The following RBPMS variants were observed in gnomAD, a reference collection of about 807,000 sequenced individuals.
The protein encoded by RBPMS is RNA-binding protein with multiple splicing.
RBPMS carries 7 observed loss-of-function variants against 26.8 expected under a neutral mutation model. The observed-to-expected ratio is 0.26, with a 90% CI of 0.15 to 0.49. The LOEUF (loss-of-function observed/expected upper bound fraction) is 0.49, where lower values mean the gene tolerates loss of function less well. RBPMS is among the 20% of genes least tolerant of loss of function. The pLI is 0.98. For missense variants in RBPMS, 186 were observed against 250.0 expected, an observed-to-expected ratio of 0.74 and a Z score of 1.73; for synonymous variants, 96 against 93.3, an observed-to-expected ratio of 1.03 and a Z score of -0.17.
At chr8:30,533,691 T>G (rs1487472141) in intron 5 of RBPMS, among the ~76,000 whole-genome samples, 1 of 152,218 alleles carries the variant, frequency 6.6e-6, no homozygotes, top group African/African-American at 2.4e-5. Context: ...CTGGTGCTAG[T>G]GAATAAGTAC....
Position 30,384,982 on chromosome 8 carries a change from G to A in RBPMS, c.-111G>A. ...TCCAGCTCCAGCCCCACAGCCCGCG[G>A]CGCCCGCCCGAGGGAGCCCCGGCGC... On this transcript the variant is annotated 5_prime_UTR_variant, in exon 1 of 9. Coordinates refer to ENST00000397323, the MANE Select transcript of RBPMS (RefSeq NM_001008710.3). This position sits in a 1 kb window ranked among gnomAD's most constrained non-coding sequence, Gnocchi z 5.6. The A allele has an allele frequency of 1.4e-6, 1 of 723,918 alleles. No individual in the cohort carries two copies. Among genetic ancestry groups the A allele is most frequent in the South Asian group, 3.5e-5 (1 of 28,976 alleles). The allele number at this position is 723,918 out of a possible 1,614,324, so 44.8% of individuals were successfully genotyped here. A position where few individuals can be genotyped will look rare whatever the true frequency, so the allele number is the denominator to read the frequency against.
chr8:30,549,495 T>C (rs1308073622), intron 6 of RBPMS: 1 of 1,610,818 alleles, frequency 6.2e-7, no homozygotes, highest in Non-Finnish European at 8.5e-7. Context: ...CCTCTCAACC[T>C]GCAGCTCTGT....
At chr8:30,532,649 G>A (rs558856519) in intron 5 of RBPMS, among the ~76,000 whole-genome samples, 1 of 152,078 alleles carries the variant, frequency 6.6e-6, no homozygotes, top group Non-Finnish European at 1.5e-5. Flanking sequence ...ACCACCATAC[G>A]CATACATTCT....
intron 1 of RBPMS, among the ~76,000 whole-genome samples, chr8:30,460,045 A>T (rs1017777719): frequency 3.9e-5 from 6 of 152,210 alleles, no homozygotes; most frequent in African/African-American, 1.4e-4. Context: ...TCATGCAACC[A>T]CATAAATGGT....
intron 5 of RBPMS, among the ~76,000 whole-genome samples, chr8:30,531,432 T>C (rs947163033): frequency 6.6e-6 from 1 of 152,204 alleles, no homozygotes; most frequent in Non-Finnish European, 1.5e-5. Flanking sequence ...AGGCAACCTT[T>C]TAGTGTTGGA....
At chr8:30,444,513 C>A (rs915911252) in intron 1 of RBPMS, among the ~76,000 whole-genome samples, 2 of 152,076 alleles carry the variant, frequency 1.3e-5, no homozygotes, top group African/African-American at 4.8e-5. Flanking sequence ...TTAGTAAGCA[C>A]CCTATAAATG....
intron 6 of RBPMS, among the ~76,000 whole-genome samples, chr8:30,549,875 G>C (rs2151064770): frequency 7.0e-6 from 1 of 142,962 alleles, no homozygotes; most frequent in South Asian, 2.2e-4. Context: ...TTCTGAGGCA[G>C]AGTCTCGCTC....
chr8:30,440,136 T>C (rs2915604), intron 1 of RBPMS, among the ~76,000 whole-genome samples: 62,928 of 152,040 alleles, frequency 0.41, 14,909 homozygotes, highest in African/African-American at 0.65. Context: ...CGGGGTCTCA[T>C]TCTATTACTA....
intron 4 of RBPMS, among the ~76,000 whole-genome samples, chr8:30,502,138 G>GTT (rs1563381721): frequency 1.5e-4 from 9 of 61,020 alleles, no homozygotes; most frequent in African/African-American, 7.2e-4. Flanking sequence ...TAACTTCTGA[G>GTT]CTTTTTTTTT....
At chr8:30,486,838 T>C (rs761663096) in intron 4 of RBPMS, among the ~76,000 whole-genome samples, 82 of 152,214 alleles carry the variant, frequency 5.4e-4, no homozygotes, top group Non-Finnish European at 1.0e-3. Flanking sequence ...TTCCATCAGA[T>C]AATTACATGA....
chr8:30,548,484 G>A (rs1826037423), intron 6 of RBPMS, among the ~76,000 whole-genome samples: 1 of 152,192 alleles, frequency 6.6e-6, no homozygotes, highest in African/African-American at 2.4e-5. Context: ...GGCCTCATTT[G>A]TCCAGAGTAA....
intron 7 of RBPMS, among the ~76,000 whole-genome samples, chr8:30,563,885 C>T (rs1198630006): frequency 2.6e-5 from 4 of 152,140 alleles, no homozygotes; most frequent in Admixed American, 2.6e-4. Flanking sequence ...TGCGGTGCAC[C>T]CACCAACCAG....
Position 30,497,772 on chromosome 8 carries a change from G to A in RBPMS, c.247-6514G>A, listed in dbSNP as rs554241240. ...CGAGTAGCTGGGACTACAGGCGCCC[G>A]CCACCACGCCTGGCTAATTTTTTGT... On this transcript the variant is annotated intron_variant, in intron 4 of 8. Coordinates refer to ENST00000397323, the MANE Select transcript of RBPMS (RefSeq NM_001008710.3). Among the ~76,000 whole-genome samples, 193 of 151,830 alleles carry A rather than the reference G, an allele frequency of 1.3e-3. 1 individual carries two copies. Among genetic ancestry groups the A allele is most frequent in the Middle Eastern group, 3.4e-3 (1 of 294 alleles).
chr8:30,422,492 C>T (rs910883163), intron 1 of RBPMS, among the ~76,000 whole-genome samples: 1 of 152,094 alleles, frequency 6.6e-6, no homozygotes, highest in African/African-American at 2.4e-5. Context: ...TCGTCTCGAA[C>T]TCCTGGGCTT....
At chr8:30,436,450 T>C (rs1181663806) in intron 1 of RBPMS, among the ~76,000 whole-genome samples, 1 of 152,208 alleles carries the variant, frequency 6.6e-6, no homozygotes, top group Non-Finnish European at 1.5e-5. Context: ...AGGCTAACCA[T>C]CTCTACCTCC....
intron 6 of RBPMS, 185 bp downstream of exon 6, chr8:30,544,809 T>C (rs1208479921): frequency 1.9e-5 from 29 of 1,557,110 alleles, no homozygotes; most frequent in Non-Finnish European, 2.4e-5. Flanking sequence ...CTGACAGCAA[T>C]GATATCACCC....
intron 4 of RBPMS, among the ~76,000 whole-genome samples, chr8:30,500,095 C>T (rs957508656): frequency 6.6e-6 from 1 of 152,154 alleles, no homozygotes; most frequent in Non-Finnish European, 1.5e-5. Context: ...TATTCCACCT[C>T]TCTCCTTTTG....
chr8:30,432,697 G>A (rs1178809984), intron 1 of RBPMS, among the ~76,000 whole-genome samples: 1 of 152,218 alleles, frequency 6.6e-6, no homozygotes, highest in African/African-American at 2.4e-5. Flanking sequence ...CAGGGTAATA[G>A]CTGGTGTAAT....
At position 30,560,931 on chromosome 8, in the gene RBPMS, GTGA is replaced by G. The variant is rs149592616; in HGVS notation, c.*7+1980_*7+1982del. On this transcript the variant is annotated intron_variant, in intron 7 of 8. Transcript: ENST00000397323. ...CATGTGTGATACTGCTCATTAATCT[GTGA>G]TGATATTTAAAACCCCAGACAATGT... 3.0e-3 allele frequency among the ~76,000 whole-genome samples: 457 copies of G among 152,276 alleles called. 1 individual carries two copies. Among genetic ancestry groups the G allele is most frequent in the African/African-American group, 0.01 (430 of 41,566 alleles).
Sources: allele counts gnomAD v4.1 joint callset (sites outside exome capture counted in the v4.1 genomes callset), GRCh38; gene constraint gnomAD v4.1.1; non-coding constraint Gnocchi (gnomAD v3.1); transcripts MANE v1.5; gene names NCBI Gene and HGNC (gene_info 2026-07-23, HGNC 2026-07-21).